ITGB6: variants seen among roughly 807,000 people sequenced by gnomAD.
ITGB6 encodes the protein integrin subunit beta 6.
ITGB6 carries 80 observed loss-of-function variants against 84.5 expected under a neutral mutation model. That is an observed-to-expected ratio of 0.95 (90% CI 0.79 to 1.14). The LOEUF is 1.14. ITGB6 is among the 50% of genes most tolerant of loss of function. The probability of loss-of-function intolerance (pLI) is 0.00; values close to 1 mark genes in which losing one functional copy is unlikely to be tolerated. For missense variants in ITGB6, 1,006 were observed against 968.0 expected (o/e 1.04, Z -0.52); for synonymous variants, 383 against 354.9 (o/e 1.08, Z -0.89).
chr2:160,116,707 A>T (rs1387957390), intron 12 of ITGB6, among the ~76,000 whole-genome samples: 1 of 152,254 alleles, frequency 6.6e-6, no homozygotes, highest in Admixed American at 6.5e-5. Context: ...CAATTAAAAG[A>T]CACAGACTGG....
At chr2:160,181,209 CA>C (rs1251208442) in intron 4 of ITGB6, among the ~76,000 whole-genome samples, 2 of 152,278 alleles carry the variant, frequency 1.3e-5, no homozygotes, top group East Asian at 3.9e-4. Context: ...ATCCCACTCT[CA>C]TGGAGCCCAG....
chr2:160,179,582 AG>A (rs1685579045), intron 4 of ITGB6, among the ~76,000 whole-genome samples: 1 of 148,508 alleles, frequency 6.7e-6, no homozygotes, highest in Admixed American at 6.7e-5. Context: ...TAGTTGAGAC[AG>A]GGTTTCACCG....
intron 7 of ITGB6, among the ~76,000 whole-genome samples, chr2:160,160,810 T>C (rs747876177): frequency 4.6e-5 from 7 of 152,134 alleles, no homozygotes; most frequent in Non-Finnish European, 1.5e-5. Flanking sequence ...AGACACCACA[T>C]AGAGTGGCCA....
intron 10 of ITGB6, among the ~76,000 whole-genome samples, chr2:160,135,744 A>G (rs1361081836): frequency 1.3e-5 from 2 of 152,044 alleles, no homozygotes; most frequent in Non-Finnish European, 2.9e-5. Context: ...CTCAGAAATA[A>G]TGCCACATAT....
At chr2:160,194,752 T>C (rs1686267427) in intron 4 of ITGB6, among the ~76,000 whole-genome samples, 1 of 152,174 alleles carries the variant, frequency 6.6e-6, no homozygotes, top group Non-Finnish European at 1.5e-5. Context: ...CAAAGCAATC[T>C]GTCCTCCACC....
At chr2:160,169,370 A>G (rs568993337) in intron 6 of ITGB6, 63 bp from the exon 7 acceptor site, 3 of 966,610 alleles carry the variant, frequency 3.1e-6, no homozygotes, top group East Asian at 2.5e-5. Context: ...AGAAAGGAAT[A>G]TTTATTTCAA....
At position 160,101,836 on chromosome 2, in the gene ITGB6, TGG is replaced by T. The variant is rs1696733104; in HGVS notation, c.2269-4_2269-3del. 7.5e-7 allele frequency: 1 copy of T among 1,335,390 alleles called. No individual in the cohort carries two copies. Among genetic ancestry groups the T allele is most frequent in the Admixed American group, 2.6e-5 (1 of 38,992 alleles). 82.7% of individuals were successfully genotyped at this position (1,335,390 alleles called of 1,614,324 possible). On this transcript the variant is annotated splice_polypyrimidine_tract_variant and splice_region_variant and intron_variant, in intron 14 of 14. Coordinates refer to ENST00000283249, the MANE Select transcript of ITGB6 (RefSeq NM_000888.5). ...TCCTCTGTAGAGTGGATTGGTTCCC[TGG>T]AAAAAAAAAAAAGATTCAAGTGAAA...
intron 5 of ITGB6, among the ~76,000 whole-genome samples, chr2:160,173,093 G>A (rs553535950): frequency 6.6e-6 from 1 of 152,248 alleles, no homozygotes; most frequent in East Asian, 1.9e-4. Context: ...CCAAATTGAA[G>A]CCAAACTCAT....
At chr2:160,135,785 G>C (rs1559132807) in intron 10 of ITGB6, among the ~76,000 whole-genome samples, 7 of 151,964 alleles carry the variant, frequency 4.6e-5, no homozygotes, top group East Asian at 1.9e-4. Context: ...ACAAACCTGA[G>C]AAAAACAAGC....
At chr2:160,133,449 C>A (rs905242400) in intron 10 of ITGB6, among the ~76,000 whole-genome samples, 23 of 152,256 alleles carry the variant, frequency 1.5e-4, no homozygotes, top group African/African-American at 5.3e-4. Flanking sequence ...GACTCCCACA[C>A]AATAATAATG....
chr2:160,138,701 G>C (rs988099986), intron 8 of ITGB6, among the ~76,000 whole-genome samples: 1 of 152,128 alleles, frequency 6.6e-6, no homozygotes, highest in Non-Finnish European at 1.5e-5. Flanking sequence ...CACAATTGAA[G>C]TCATTCCTCC....
chr2:160,159,931 T>G (rs982803787), intron 7 of ITGB6, among the ~76,000 whole-genome samples: 2 of 152,216 alleles, frequency 1.3e-5, no homozygotes, highest in African/African-American at 4.8e-5. Context: ...TACAAGTCCA[T>G]GAGGACAAAA....
chr2:160,171,149 T>A (rs1259770006), intron 6 of ITGB6, among the ~76,000 whole-genome samples: 1 of 152,060 alleles, frequency 6.6e-6, no homozygotes, highest in African/African-American at 2.4e-5. Context: ...TAGAGAATAG[T>A]TTTCCAATTG....
chr2:160,134,079 A>G (rs1317560808), intron 10 of ITGB6, among the ~76,000 whole-genome samples: 1 of 152,226 alleles, frequency 6.6e-6, no homozygotes, highest in Non-Finnish European at 1.5e-5. Flanking sequence ...GGAAACAGAG[A>G]CACATAAAAC....
intron 4 of ITGB6, among the ~76,000 whole-genome samples, chr2:160,194,485 G>A (rs1385424490): frequency 6.6e-6 from 1 of 151,532 alleles, no homozygotes; most frequent in East Asian, 1.9e-4. Flanking sequence ...TCAAATCTTG[G>A]TACAGATCAT....
intron 7 of ITGB6, among the ~76,000 whole-genome samples, chr2:160,150,356 T>G (rs1409338307): frequency 6.6e-6 from 1 of 152,166 alleles, no homozygotes; most frequent in Non-Finnish European, 1.5e-5. Context: ...CCAGCCAAAC[T>G]AAGCTTCATA....
At chr2:160,180,130 A>T (rs201944160) in intron 4 of ITGB6, among the ~76,000 whole-genome samples, 1 of 145,268 alleles carries the variant, frequency 6.9e-6, no homozygotes, top group East Asian at 2.4e-4. Flanking sequence ...AAAAAAAAAC[A>T]AACAAAAAAA....
chr2:160,193,397 T>C (rs1379645836), intron 4 of ITGB6, among the ~76,000 whole-genome samples: 2 of 152,244 alleles, frequency 1.3e-5, no homozygotes, highest in South Asian at 2.1e-4. Flanking sequence ...TACTACATTA[T>C]ATATTTATAT....
chr2:160,109,523 C>T (rs1244259879), intron 13 of ITGB6, among the ~76,000 whole-genome samples: 1 of 152,148 alleles, frequency 6.6e-6, no homozygotes, highest in Admixed American at 6.5e-5. Context: ...GAAATGGGTG[C>T]GGTCTGGCAG....
Sources: allele counts gnomAD v4.1 joint callset (sites outside exome capture counted in the v4.1 genomes callset), GRCh38; gene constraint gnomAD v4.1.1; transcripts MANE v1.5; gene names NCBI Gene and HGNC (gene_info 2026-07-23, HGNC 2026-07-21).